The following TMEM44 variants were observed in gnomAD, a reference collection of about 807,000 sequenced individuals.
The protein encoded by TMEM44 is transmembrane protein 44.
Under a neutral mutation model 47.8 loss-of-function variants are expected in TMEM44, and 43 were observed. The observed-to-expected ratio is 0.90, with a 90% CI of 0.70 to 1.16. The LOEUF (loss-of-function observed/expected upper bound fraction) is 1.16. Ranked by LOEUF, TMEM44 falls within the 50% of genes most tolerant of loss-of-function variation. TMEM44 has a pLI of 0.00. For missense variants in TMEM44, 568 were observed against 555.2 expected (o/e 1.02, Z -0.23); for synonymous variants, 277 against 238.8 (o/e 1.16, Z -1.48).
Position 194,628,458 on chromosome 3 carries a change from C to T in TMEM44, c.189G>A (p.Leu63=), listed in dbSNP as rs1560202656. Residue 63 remains leucine, a synonymous_variant, in exon 2 of 10, where the codon CTG becomes CTA. Coordinates refer to ENST00000347147, the MANE Select transcript of TMEM44 (RefSeq NM_001011655.3). ...TGGTCAGGAGGCAGCACGCAGCACACAGTGCCGACTGGTCCTGTCTGGGTT... is the reference window on the plus strand; with the variant it reads ...TGGTCAGGAGGCAGCACGCAGCACATAGTGCCGACTGGTCCTGTCTGGGTT... ...AQKPRQDQSA[L]CAACCLLTSL... 4 of 1,613,596 alleles carry T rather than the reference C, an allele frequency of 2.5e-6. No individual in the cohort carries two copies. The highest frequency in any genetic ancestry group is 1.1e-5 in the South Asian group (1 of 90,946).
intron 3 of TMEM44, among the ~76,000 whole-genome samples, chr3:194,624,611 G>T (rs1190542190): frequency 1.3e-5 from 2 of 152,120 alleles, no homozygotes; most frequent in African/African-American, 4.8e-5. Context: ...TAGAGATAGG[G>T]TCTTGCTATG....
intron 9 of TMEM44, among the ~76,000 whole-genome samples, chr3:194,603,097 T>C (rs1714338907): frequency 6.6e-6 from 1 of 152,204 alleles, no homozygotes; most frequent in South Asian, 2.1e-4. Flanking sequence ...ATTGTCCTTG[T>C]GGTTCTCATT....
chr3:194,623,606 C>G lies in TMEM44; in HGVS notation c.448G>C (p.Ala150Pro). The change falls in exon 4 of 10, where the codon GCT (alanine) becomes CCT (proline). Residue 150 changes from alanine to proline, a missense_variant. Coordinates refer to ENST00000347147, the MANE Select transcript of TMEM44 (RefSeq NM_001011655.3). ...GCCTTCGGGACAGCAACCCACAGAG[C>G]CCAGCACGGGCCCAGGCTCAGCGGC... ...ALPLSLGPCWALWVAVPKASA... is the reference protein window; with the variant it reads ...ALPLSLGPCWPLWVAVPKASA... 6.2e-7 allele frequency: 1 copy of G among 1,612,482 alleles called. No individual in the cohort carries two copies. The highest frequency in any genetic ancestry group is 2.2e-5 in the East Asian group (1 of 44,876).
At chr3:194,616,526 G>A (rs191900106) in intron 6 of TMEM44, 63 of 454,488 alleles carry the variant, frequency 1.4e-4, no homozygotes, top group African/African-American at 9.2e-4. Context: ...AAATGTAAAC[G>A]ACACTGCCAT....
intron 9 of TMEM44, 127 bp downstream of exon 9, chr3:194,604,160 A>G: frequency 4.1e-6 from 5 of 1,233,080 alleles, no homozygotes; most frequent in Non-Finnish European, 5.6e-6. Context: ...GGCCTCATTC[A>G]TTATTTAGCA....
At position 194,599,990 on chromosome 3, in the gene TMEM44, C is replaced by T. The variant is rs185509924; in HGVS notation, c.1176+4297G>A. ...GTTCAGGCTGGTCTTGAACTCCTGA[C>T]CTCAGGTAATCCACCCGCCTCAGCC... On this transcript the variant is annotated intron_variant, in intron 9 of 9. Transcript: ENST00000347147. Among the ~76,000 whole-genome samples the T allele has an allele frequency of 7.0e-4, 106 of 151,512 alleles. 1 individual carries two copies. Among genetic ancestry groups the T allele is most frequent in the African/African-American group, 2.3e-3 (97 of 41,308 alleles).
rs555858257 is a variant in TMEM44 at position 194,604,189 on chromosome 3, A to G, written c.1176+98T>C. ...TTTAGCAGGTATGAGGTTAACGTGG[A>G]TAAGATGAGAACAGCTGCACAAGCC... On this transcript the variant is annotated intron_variant, in intron 9 of 9. Coordinates refer to ENST00000347147, the MANE Select transcript of TMEM44 (RefSeq NM_001011655.3). 1.3e-4 allele frequency: 190 copies of G among 1,441,774 alleles called. 1 individual carries two copies. The highest frequency in any genetic ancestry group is 1.7e-4 in the Non-Finnish European group (184 of 1,060,814). 89.3% of individuals were successfully genotyped at this position (1,441,774 alleles called of 1,614,324 possible). A position where few individuals can be genotyped will look rare whatever the true frequency, so the allele number is the denominator to read the frequency against.
At chr3:194,615,034 C>T (rs1300947731) in intron 7 of TMEM44, among the ~76,000 whole-genome samples, 6 of 151,968 alleles carry the variant, frequency 3.9e-5, no homozygotes, top group African/African-American at 4.8e-5. Context: ...GTCAGGAGTT[C>T]GAGACCAGCC....
intron 1 of TMEM44, among the ~76,000 whole-genome samples, chr3:194,628,742 C>T (rs1717448758): frequency 6.6e-6 from 1 of 152,174 alleles, no homozygotes; most frequent in South Asian, 2.1e-4. Context: ...AAGACACCGC[C>T]TCTTTGGAGG....
chr3:194,590,459 C>T (rs1182200273), intron 9 of TMEM44, among the ~76,000 whole-genome samples: 2 of 152,170 alleles, frequency 1.3e-5, no homozygotes, highest in African/African-American at 4.8e-5. Flanking sequence ...GAACCAAATT[C>T]CTTTCTGACC....
At chr3:194,628,270 G>C (rs752958720) in intron 2 of TMEM44, 113 bp downstream of exon 2, 7 of 1,408,126 alleles carry the variant, frequency 5.0e-6, no homozygotes, top group Non-Finnish European at 6.7e-6. Context: ...AGGTGACACT[G>C]TGCTATGCAT....
rs1050459318 is a variant in TMEM44, at chr3:194,619,902, G to A, written c.613-2633C>T. On this transcript the variant is annotated intron_variant, in intron 5 of 9. Coordinates refer to ENST00000347147, the MANE Select transcript of TMEM44 (RefSeq NM_001011655.3). Reference sequence around the variant, plus strand: ...TCAGGCTTCAATACCTTGTAGTGATGAGGAGACGACTACCTCCTAAGGCAG... The same window carrying A: ...TCAGGCTTCAATACCTTGTAGTGATAAGGAGACGACTACCTCCTAAGGCAG... Among the ~76,000 whole-genome samples, 52 of 152,170 alleles carry A rather than the reference G, an allele frequency of 3.4e-4. 1 individual carries two copies. The highest frequency in any genetic ancestry group is 3.3e-3 in the Admixed American group (51 of 15,266).
chr3:194,593,750 G>A (rs147341250), intron 9 of TMEM44, among the ~76,000 whole-genome samples: 1,889 of 152,184 alleles, frequency 0.012, 14 homozygotes, highest in South Asian at 0.027. Context: ...AGGATTTAGG[G>A]TTATTATCAC....
At chr3:194,617,296 CGGG>C in intron 5 of TMEM44, 27 bp from the exon 6 acceptor site, 7 of 754,290 alleles carry the variant, frequency 9.3e-6, no homozygotes, top group Non-Finnish European at 1.0e-5. Flanking sequence ...AGGGGCTGGG[CGGG>C]AGAAGCAGCA....
chr3:194,615,426 A>T, intron 7 of TMEM44, 143 bp downstream of exon 7: 2 of 1,183,816 alleles, frequency 1.7e-6, no homozygotes, highest in Non-Finnish European at 2.4e-6. Flanking sequence ...CCTCAGCGAG[A>T]CAGGACAGCT....
chr3:194,626,111 C>G (rs1348793638), intron 2 of TMEM44, 121 bp from the exon 3 acceptor site: 6 of 711,244 alleles, frequency 8.4e-6, no homozygotes, highest in Non-Finnish European at 1.5e-5. Flanking sequence ...CTTACGTACT[C>G]CTCCAGGGAC....
chr3:194,594,153 A>ATCTATCTATCTATCTGTCTGTCTG (rs772169628), intron 9 of TMEM44, among the ~76,000 whole-genome samples: 4,663 of 148,370 alleles, frequency 0.031, 115 homozygotes, highest in Non-Finnish European at 0.05. Flanking sequence ...CTATCTATCT[A>ATCTATCTATCTATCTGTCTGTCTG]TCTATCTATC....
chr3:194,606,295 G>T (rs1291300970), intron 8 of TMEM44, among the ~76,000 whole-genome samples: 1 of 152,048 alleles, frequency 6.6e-6, no homozygotes, highest in Admixed American at 6.6e-5. Context: ...GTGCTCAGGG[G>T]GCTTGCTGGG....
At chr3:194,598,999 A>G (rs1713750937) in intron 9 of TMEM44, among the ~76,000 whole-genome samples, 1 of 152,214 alleles carries the variant, frequency 6.6e-6, no homozygotes, top group Non-Finnish European at 1.5e-5. Flanking sequence ...AGGGAACCGC[A>G]GCCAGCCTTG....
Sources: gnomAD v4.1 joint callset for allele counts (sites outside exome capture counted in the v4.1 genomes callset) on GRCh38, gnomAD v4.1.1 for gene constraint, MANE v1.5 for transcripts, NCBI Gene and HGNC (gene_info 2026-07-23, HGNC 2026-07-21) for gene names.